ROR1: variants seen among roughly 807,000 people sequenced by gnomAD.
ROR1 encodes the protein ROR family WNT receptor 1, also known as inactive tyrosine-protein kinase transmembrane receptor ROR1.
Under a neutral mutation model 78.8 loss-of-function variants are expected in ROR1, and 19 were observed. That is an observed-to-expected ratio of 0.24 (90% CI 0.17 to 0.35). The LOEUF is 0.35. Among genes scored for constraint, ROR1 ranks in the 10% least tolerant of loss-of-function variants. The pLI is 1.00. For synonymous variants in ROR1, 386 were observed against 433.6 expected, an observed-to-expected ratio of 0.89 and a Z score of 1.36; for missense variants, 917 against 1,177.8, an observed-to-expected ratio of 0.78 and a Z score of 3.24.
In ROR1 at chr1:64,061,327, T is replaced by G. The variant is rs181891240; in HGVS notation, c.482+10611T>G. ...AACAAAACCAGTCAAAAGTCCTCAT[T>G]CTACATCATTTACACTTTCCCTTCC... On this transcript the variant is annotated intron_variant, in intron 4 of 8. Coordinates refer to ENST00000371079, the MANE Select transcript of ROR1 (RefSeq NM_005012.4). Among the ~76,000 whole-genome samples the G allele has an allele frequency of 2.1e-3, 326 of 152,300 alleles. 1 individual carries two copies. Among genetic ancestry groups the G allele is most frequent in the African/African-American group, 7.4e-3 (306 of 41,568 alleles).
intron 1 of ROR1, among the ~76,000 whole-genome samples, chr1:63,804,722 A>G (rs889281603): frequency 2.0e-5 from 3 of 152,266 alleles, no homozygotes; most frequent in African/African-American, 7.2e-5. Flanking sequence ...TTTTTCTACA[A>G]GCTTGGGGCT....
intron 1 of ROR1, among the ~76,000 whole-genome samples, chr1:63,895,560 G>A (rs1361995840): frequency 6.6e-6 from 1 of 152,128 alleles, no homozygotes; most frequent in African/African-American, 2.4e-5. Context: ...TGAAGGCCAA[G>A]AATTGATATT....
Position 63,915,699 on chromosome 1 carries a change from G to A in ROR1, c.92-93606G>A, listed in dbSNP as rs145779194. On this transcript the variant is annotated intron_variant, in intron 1 of 8. Coordinates refer to ENST00000371079, the MANE Select transcript of ROR1 (RefSeq NM_005012.4). ...ATGCTTATACAGAACTTCTCACACA[G>A]AGTAGTACTGCTTCCCTGGGTTTGG... is the stretch of plus-strand genomic sequence containing the variant. Among the ~76,000 whole-genome samples, 11 of 152,212 alleles carry A rather than the reference G, an allele frequency of 7.2e-5. No individual in the cohort carries two copies. The East Asian group carries it at 2.1e-3, about 29-fold the overall frequency.
intron 1 of ROR1, among the ~76,000 whole-genome samples, chr1:63,965,938 A>C (rs890956604): frequency 6.6e-6 from 1 of 152,190 alleles, no homozygotes; most frequent in Non-Finnish European, 1.5e-5. Flanking sequence ...GATCTTATAC[A>C]AGTCACTAAA....
chr1:64,116,006 C>A (rs1236101996), intron 4 of ROR1, among the ~76,000 whole-genome samples: 1 of 152,186 alleles, frequency 6.6e-6, no homozygotes, highest in Non-Finnish European at 1.5e-5. Flanking sequence ...GATCGTAGCT[C>A]TTCATTGATT....
chr1:64,178,871 T>C lies in ROR1; in HGVS notation c.*16T>C, dbSNP rs1375582950. The C allele has an allele frequency of 4.4e-6, 7 of 1,586,302 alleles. No individual in the cohort carries two copies. Among genetic ancestry groups the C allele is most frequent in the Non-Finnish European group, 6.0e-6 (7 of 1,158,530 alleles). On this transcript the variant is annotated 3_prime_UTR_variant, in exon 9 of 9. Transcript: ENST00000371079. This position sits in a 1 kb window ranked among gnomAD's most constrained non-coding sequence, Gnocchi z 4.3. The stretch of plus-strand genomic sequence containing the variant: ...AGAACTGTAAAATGCACAACTTTTG[T>C]AAATGTGGTATACAGGACAAACTAG...
At chr1:64,147,867 T>C (rs1443708218) in intron 7 of ROR1, among the ~76,000 whole-genome samples, 1 of 152,108 alleles carries the variant, frequency 6.6e-6, no homozygotes, top group Admixed American at 6.5e-5. Flanking sequence ...CAGGGAACAT[T>C]TGGCAATTTC....
intron 4 of ROR1, among the ~76,000 whole-genome samples, chr1:64,100,103 A>G (rs1354968854): frequency 1.3e-5 from 2 of 152,176 alleles, no homozygotes; most frequent in Admixed American, 6.5e-5. Context: ...AAAATTTTGG[A>G]AAAATTTAAA....
intron 1 of ROR1, among the ~76,000 whole-genome samples, chr1:63,885,497 A>G (rs1021640365): frequency 6.6e-6 from 1 of 152,084 alleles, no homozygotes; most frequent in Non-Finnish European, 1.5e-5. Flanking sequence ...GTTTCTGGGT[A>G]TGGCTTTTGT....
chr1:64,166,069 C>T (rs1329996410), intron 8 of ROR1, among the ~76,000 whole-genome samples: 1 of 152,198 alleles, frequency 6.6e-6, no homozygotes, highest in South Asian at 2.1e-4. Context: ...GGTCCAGTTT[C>T]AATCTTCTGC....
intron 1 of ROR1, among the ~76,000 whole-genome samples, chr1:63,925,115 A>G (rs183900637): frequency 0.023 from 3,503 of 149,532 alleles, 147 homozygotes; most frequent in African/African-American, 0.082. Flanking sequence ...TGCACCCACT[A>G]ACTCATCATC....
At chr1:63,904,085 C>T (rs1025448272) in intron 1 of ROR1, among the ~76,000 whole-genome samples, 1 of 152,030 alleles carries the variant, frequency 6.6e-6, no homozygotes, top group Non-Finnish European at 1.5e-5. Context: ...GGAAGCGGGG[C>T]CAGGTCAGGG....
chr1:63,830,382 C>T (rs1160712252), intron 1 of ROR1, among the ~76,000 whole-genome samples: 1 of 152,190 alleles, frequency 6.6e-6, no homozygotes, highest in African/African-American at 2.4e-5. Flanking sequence ...GTTTAATTGA[C>T]TCAGACTTCT....
At chr1:64,045,497 A>G (rs1646776824) in intron 2 of ROR1, among the ~76,000 whole-genome samples, 1 of 152,182 alleles carries the variant, frequency 6.6e-6, no homozygotes, top group Non-Finnish European at 1.5e-5. Flanking sequence ...AGTGGCATCA[A>G]TATTTTAAGG....
chr1:64,000,048 T>C (rs1646369914), intron 1 of ROR1, among the ~76,000 whole-genome samples: 2 of 152,098 alleles, frequency 1.3e-5, no homozygotes, highest in South Asian at 4.2e-4. Flanking sequence ...GATTATAAAA[T>C]ATGAAATGAA....
At chr1:64,107,582 C>CT (rs139075889) in intron 4 of ROR1, among the ~76,000 whole-genome samples, 20,818 of 151,234 alleles carry the variant, frequency 0.14, 1,630 homozygotes, top group African/African-American at 0.2. Context: ...AACTAGGGGT[C>CT]TTTTTTTTAA....
At chr1:63,859,974 T>C (rs961294493) in intron 1 of ROR1, among the ~76,000 whole-genome samples, 2 of 152,160 alleles carry the variant, frequency 1.3e-5, no homozygotes, top group Non-Finnish European at 2.9e-5. Flanking sequence ...ATTTTATAGA[T>C]GAGGAGCCTG....
intron 1 of ROR1, among the ~76,000 whole-genome samples, chr1:63,832,481 T>C (rs939854959): frequency 6.6e-6 from 1 of 152,136 alleles, no homozygotes; most frequent in Non-Finnish European, 1.5e-5. Flanking sequence ...CCTTGACATG[T>C]GGGGATTACA....
intron 1 of ROR1, among the ~76,000 whole-genome samples, chr1:63,814,436 G>T (rs544876377): frequency 6.6e-6 from 1 of 152,048 alleles, no homozygotes; most frequent in Non-Finnish European, 1.5e-5. Context: ...GATGGGGTGG[G>T]GGTGGTGGTT....
Sources: allele counts gnomAD v4.1 joint callset (sites outside exome capture counted in the v4.1 genomes callset), GRCh38; gene constraint gnomAD v4.1.1; non-coding constraint Gnocchi (gnomAD v3.1); transcripts MANE v1.5; gene names NCBI Gene and HGNC (gene_info 2026-07-23, HGNC 2026-07-21).